The following PMS1 variants were observed in gnomAD, a reference collection of about 807,000 sequenced individuals.
PMS1 encodes PMS1 homolog 1, mismatch repair system component.
A neutral mutation model predicts 93.1 loss-of-function variants in PMS1; 79 were observed. The observed-to-expected ratio is 0.85, with a 90% CI of 0.71 to 1.02. The LOEUF is 1.02. Ranked by LOEUF, PMS1 falls within the 50% of genes least tolerant of loss-of-function variation. The pLI, the probability that PMS1 is intolerant of heterozygous loss-of-function variation, is 0.00. For synonymous variants in PMS1, 335 were observed against 363.4 expected (o/e 0.92, Z 0.89); for missense variants, 1,064 against 1,085.3 (o/e 0.98, Z 0.28).
In PMS1 at chr2:189,790,496, G is replaced by T. The variant is rs374273433; in HGVS notation, c.-20-1294G>T. Among the ~76,000 whole-genome samples the T allele has an allele frequency of 2.5e-3, 374 of 152,308 alleles. 2 individuals are homozygous for T. Among genetic ancestry groups the T allele is most frequent in the African/African-American group, 8.5e-3 (353 of 41,564 alleles). ...TACTGTAATGAGTTTGGACCAAGAT[G>T]TAGTTGGCACAGACATTTAAGGAAA... On this transcript the variant is annotated intron_variant, in intron 1 of 12. Transcript: ENST00000441310.
At chr2:189,849,854 C>T (rs1004255700) in intron 6 of PMS1, among the ~76,000 whole-genome samples, 5 of 142,404 alleles carry the variant, frequency 3.5e-5, no homozygotes, top group South Asian at 2.2e-4. Context: ...ACAGTGGCCA[C>T]GGTATTTTTA....
chr2:189,792,576 A>G (rs2048962282), intron 2 of PMS1, among the ~76,000 whole-genome samples: 1 of 151,232 alleles, frequency 6.6e-6, no homozygotes, highest in South Asian at 2.1e-4. Flanking sequence ...TTCTAGTGTT[A>G]TAGAACTAGA....
intron 10 of PMS1, among the ~76,000 whole-genome samples, chr2:189,866,549 G>T (rs2056675186): frequency 6.6e-6 from 1 of 152,128 alleles, no homozygotes; most frequent in South Asian, 2.1e-4. Flanking sequence ...CAGTTTTCTT[G>T]CCAGAGTTCT....
chr2:189,812,343 A>G (rs1020859406), intron 4 of PMS1, among the ~76,000 whole-genome samples: 3 of 152,198 alleles, frequency 2.0e-5, no homozygotes, highest in African/African-American at 4.8e-5. Flanking sequence ...TTAGACTTCT[A>G]TAACCAGTAA....
intron 3 of PMS1, 100 bp from the exon 4 acceptor site, chr2:189,805,552 A>T: frequency 1.1e-6 from 1 of 952,048 alleles, no homozygotes. Context: ...AAAATACGCT[A>T]TTGAGTAAAT....
At chr2:189,800,630 C>T (rs981337111) in intron 3 of PMS1, among the ~76,000 whole-genome samples, 22 of 151,998 alleles carry the variant, frequency 1.4e-4, no homozygotes, top group African/African-American at 4.8e-4. Flanking sequence ...TATTTTGAAA[C>T]TTTTTAGATG....
chr2:189,855,877 C>A, intron 9 of PMS1: 2 of 1,111,738 alleles, frequency 1.8e-6, no homozygotes, highest in South Asian at 1.9e-5. Context: ...TCTAATCCAG[C>A]AGAAAATGAG....
chr2:189,872,828 G>T (rs1408173711), intron 11 of PMS1, among the ~76,000 whole-genome samples: 2 of 151,944 alleles, frequency 1.3e-5, no homozygotes, highest in Non-Finnish European at 2.9e-5. Context: ...TAGAGACAGG[G>T]TCTCACCATG....
intron 4 of PMS1, among the ~76,000 whole-genome samples, chr2:189,814,690 G>A (rs928512669): frequency 6.6e-5 from 10 of 152,136 alleles, no homozygotes; most frequent in Admixed American, 1.3e-4. Context: ...TCTAAGAGGC[G>A]AGGCAGACAA....
intron 4 of PMS1, 196 bp downstream of exon 4, chr2:189,805,950 A>C: frequency 6.7e-7 from 1 of 1,494,256 alleles, no homozygotes. Context: ...TGTTCTCAAA[A>C]GGAACTGTAT....
Position 189,852,784 on chromosome 2 carries a change from T to G in PMS1, c.822+7T>G, listed in dbSNP as rs1182463256. 2 of 1,567,056 alleles carry G rather than the reference T, an allele frequency of 1.3e-6. No individual in the cohort carries two copies. Among genetic ancestry groups the G allele is most frequent in the East Asian group, 4.5e-5 (2 of 44,540 alleles). The stretch of plus-strand genomic sequence containing the variant: ...TCAAAAAGATATCTTAAAGGTAGTA[T>G]GCTTTAGAAAAAAAAAATTATTTGA... On this transcript the variant is annotated splice_region_variant and intron_variant, in intron 7 of 12. Transcript: ENST00000441310.
rs2106212459 is a variant in PMS1, at chr2:189,791,817, A to C, written c.8A>C (p.Gln3Pro). The C allele has an allele frequency of 1.2e-6, 2 of 1,613,920 alleles. No homozygotes were observed. The highest frequency in any genetic ancestry group is 4.5e-5 in the East Asian group (2 of 44,876). The stretch of plus-strand genomic sequence containing the variant: ...GCTCTGTTAAAAGCGAAAATGAAAC[A>C]ATTGCCTGCGGCAACAGTTCGACTC... MKQLPAATVRLLS... is the reference protein window; with the variant it reads MKPLPAATVRLLS... Residue 3 changes from glutamine (Q) to proline (P), a missense_variant, in exon 2 of 13, where the codon CAA (glutamine) becomes CCA (proline). Gln to Pro is a moderately conservative substitution (Grantham distance 76). Transcript: ENST00000441310.
intron 4 of PMS1, among the ~76,000 whole-genome samples, chr2:189,811,861 C>T (rs1212089503): frequency 6.6e-6 from 1 of 152,030 alleles, no homozygotes; most frequent in African/African-American, 2.4e-5. Flanking sequence ...AAGTGTGGCG[C>T]TATTTACAGC....
intron 4 of PMS1, among the ~76,000 whole-genome samples, chr2:189,814,879 C>T (rs778019404): frequency 7.2e-5 from 11 of 151,962 alleles, no homozygotes; most frequent in Middle Eastern, 3.2e-3. Flanking sequence ...GGGCAGATCA[C>T]GAGGTCAGGA....
chr2:189,854,738 ACT>A lies in PMS1; in HGVS notation c.1469_1470del (p.Ser490PhefsTer7). Reference sequence around the variant, plus strand: ...AATGAGGAAGAAGCAGGTCTTGAAAACTCTTCGGAAATTTCTGCAGATGAGTG... The same window carrying A: ...AATGAGGAAGAAGCAGGTCTTGAAAACTTCGGAAATTTCTGCAGATGAGTG... On this transcript the variant is annotated frameshift_variant, in exon 9 of 13. Coordinates refer to ENST00000441310, the MANE Select transcript of PMS1 (RefSeq NM_000534.5). LOFTEE classifies it high-confidence loss of function. The A allele has an allele frequency of 6.2e-7, 1 of 1,613,690 alleles. No homozygotes were observed. Among genetic ancestry groups the A allele is most frequent in the Admixed American group, 1.7e-5 (1 of 59,980 alleles).
chr2:189,795,927 G>T lies in PMS1; in HGVS notation c.291G>T (p.Leu97Phe). The part of the protein sequence containing the change: ...LTTYGFRGEA[L>F]GSICCIAEVL... ...CTTACGGTTTTCGTGGAGAAGCCTT[G>T]GGGTCAATTTGTTGTATAGCTGAGG... The change falls in exon 3 of 13, where the codon TTG (leucine) becomes TTT (phenylalanine). Residue 97 changes from leucine (L) to phenylalanine (F), a missense_variant. Coordinates refer to ENST00000441310, the MANE Select transcript of PMS1 (RefSeq NM_000534.5). The T allele has an allele frequency of 6.2e-7, 1 of 1,612,482 alleles. No homozygotes were observed. Among genetic ancestry groups the T allele is most frequent in the Non-Finnish European group, 8.5e-7 (1 of 1,178,558 alleles).
chr2:189,863,247 G>GGGTGT (rs1553595014), intron 9 of PMS1, among the ~76,000 whole-genome samples: 1 of 144,882 alleles, frequency 6.9e-6, no homozygotes, highest in Non-Finnish European at 1.5e-5. Flanking sequence ...TCTTTTTGGT[G>GGGTGT]TTTTTTTTTG....
At chr2:189,816,973 TA>T (rs5743039) in intron 4 of PMS1, among the ~76,000 whole-genome samples, 4 of 151,564 alleles carry the variant, frequency 2.6e-5, no homozygotes, top group East Asian at 3.9e-4. Flanking sequence ...ATTTTATTTT[TA>T]AAAAAAAAGA....
At chr2:189,832,590 C>T (rs1376796804) in intron 5 of PMS1, among the ~76,000 whole-genome samples, 8 of 152,146 alleles carry the variant, frequency 5.3e-5, no homozygotes, top group Non-Finnish European at 7.4e-5. Flanking sequence ...CTCAGCCTCC[C>T]GGGTAGCTGG....
Sources: gnomAD v4.1 joint callset for allele counts (sites outside exome capture counted in the v4.1 genomes callset) on GRCh38, gnomAD v4.1.1 for gene constraint, MANE v1.5 for transcripts, NCBI Gene and HGNC (gene_info 2026-07-23, HGNC 2026-07-21) for gene names.